Variants in UBE2E2 observed in about 807,000 individuals in gnomAD.
UBE2E2 encodes ubiquitin conjugating enzyme E2 E2.
Under a neutral mutation model 24.7 loss-of-function variants are expected in UBE2E2, and 6 were observed. The observed-to-expected ratio is 0.24, with a 90% confidence interval of 0.13 to 0.48. The LOEUF (loss-of-function observed/expected upper bound fraction) is 0.48, where lower values mean the gene tolerates loss of function less well. UBE2E2 is among the 20% of genes least tolerant of loss of function. The probability of loss-of-function intolerance (pLI) is 0.99; values close to 1 mark genes in which losing one functional copy is unlikely to be tolerated. For missense variants in UBE2E2, 169 were observed against 245.0 expected (o/e 0.69, Z 2.07); for synonymous variants, 104 against 83.6 (o/e 1.24, Z -1.33).
intron 3 of UBE2E2, among the ~76,000 whole-genome samples, chr3:23,428,633 A>C (rs1000047966): frequency 6.6e-6 from 1 of 152,102 alleles, no homozygotes; most frequent in Non-Finnish European, 1.5e-5. Flanking sequence ...AATAAAATCA[A>C]TAAGCCTCCA....
At position 23,332,674 on chromosome 3, in the gene UBE2E2, G is replaced by GGTGTGTGT. The variant is rs3086989; in HGVS notation, c.227+115400_227+115407dup. Among the ~76,000 whole-genome samples the GGTGTGTGT allele has an allele frequency of 2.0e-3, 217 of 108,122 alleles. 1 individual carries two copies. Among genetic ancestry groups the GGTGTGTGT allele is most frequent in the African/African-American group, 4.9e-3 (141 of 29,028 alleles). The allele number at this position is 108,122 out of a possible 152,430, so 70.9% of individuals were successfully genotyped here. A position where few individuals can be genotyped will look rare whatever the true frequency, so the allele number is the denominator to read the frequency against. Reference sequence around the variant, plus strand: ...CTTTGAGCTTCCTGGCAGCCAGTGGGGTGTGTGTGTGTGTGTGTGTGTGTG... The same window carrying GGTGTGTGT: ...CTTTGAGCTTCCTGGCAGCCAGTGGGGTGTGTGTGTGTGTGTGTGTGTGTGTGTGTGTG... On this transcript the variant is annotated intron_variant, in intron 3 of 5. Coordinates refer to ENST00000396703, the MANE Select transcript of UBE2E2 (RefSeq NM_152653.4).
intron 3 of UBE2E2, among the ~76,000 whole-genome samples, chr3:23,462,099 G>C (rs1451408674): frequency 6.6e-6 from 1 of 152,074 alleles, no homozygotes; most frequent in East Asian, 1.9e-4. Flanking sequence ...ATATCATTCA[G>C]TATGAAATAT....
chr3:23,223,730 C>T (rs896016727), intron 3 of UBE2E2, among the ~76,000 whole-genome samples: 6 of 152,004 alleles, frequency 3.9e-5, no homozygotes, highest in African/African-American at 1.4e-4. Flanking sequence ...CTTTTGAGAT[C>T]TTACACAAGA....
At chr3:23,268,042 G>C (rs1405362768) in intron 3 of UBE2E2, among the ~76,000 whole-genome samples, 1 of 151,580 alleles carries the variant, frequency 6.6e-6, no homozygotes, top group Non-Finnish European at 1.5e-5. Context: ...ATTAGGTATT[G>C]ATGGGACGTA....
chr3:23,300,450 C>T (rs1302497592), intron 3 of UBE2E2, among the ~76,000 whole-genome samples: 3 of 152,146 alleles, frequency 2.0e-5, no homozygotes, highest in African/African-American at 7.2e-5. Context: ...TTTAGTGCTT[C>T]CTTCAGGAGC....
chr3:23,214,794 T>A (rs1232335701), intron 2 of UBE2E2, among the ~76,000 whole-genome samples: 1 of 152,036 alleles, frequency 6.6e-6, no homozygotes, highest in African/African-American at 2.4e-5. Flanking sequence ...GATTTTTTTT[T>A]AATGGAAAGT....
At chr3:23,245,934 G>A (rs902831844) in intron 3 of UBE2E2, among the ~76,000 whole-genome samples, 8 of 152,282 alleles carry the variant, frequency 5.3e-5, no homozygotes, top group South Asian at 2.1e-4. Flanking sequence ...GGATAAGTAG[G>A]TGGATAAAAT....
intron 3 of UBE2E2, among the ~76,000 whole-genome samples, chr3:23,260,615 C>T (rs185917137): frequency 1.8e-4 from 28 of 152,106 alleles, no homozygotes; most frequent in Admixed American, 1.7e-3. Flanking sequence ...GAGTTCAAGA[C>T]CAGCCTGGGC....
At chr3:23,316,760 A>G (rs1157789115) in intron 3 of UBE2E2, among the ~76,000 whole-genome samples, 1 of 152,054 alleles carries the variant, frequency 6.6e-6, no homozygotes. Context: ...CACGGCATGT[A>G]CTACCTTGGC....
At chr3:23,360,551 A>T (rs1184844846) in intron 3 of UBE2E2, among the ~76,000 whole-genome samples, 1 of 152,224 alleles carries the variant, frequency 6.6e-6, no homozygotes, top group Non-Finnish European at 1.5e-5. Flanking sequence ...AGAAGAGATA[A>T]TAATGAAATC....
At chr3:23,228,515 A>G (rs568376447) in intron 3 of UBE2E2, among the ~76,000 whole-genome samples, 1 of 152,194 alleles carries the variant, frequency 6.6e-6, no homozygotes, top group Non-Finnish European at 1.5e-5. Context: ...TCTTTCATGT[A>G]TCCAAATTTC....
Position 23,208,803 on chromosome 3 carries a change from A to G in UBE2E2, c.104A>G (p.Gln35Arg), listed in dbSNP as rs929515507. ...GTTCAGCAAGAACCAGAAAGAGAAC[A>G]AGTTCAGCCCAAGAAAAAGGAGGGA... The part of the protein sequence containing the change: ...ESVQQEPERE[Q>R]VQPKKKEGKI... The change falls in exon 2 of 6, where the codon CAA becomes CGA. Residue 35 changes from glutamine (Q) to arginine (R), a missense_variant. By Grantham distance (43) the Gln-to-Arg change is conservative. Coordinates refer to ENST00000396703, the MANE Select transcript of UBE2E2 (RefSeq NM_152653.4). The G allele has an allele frequency of 1.9e-6, 3 of 1,613,778 alleles. No individual in the cohort carries two copies. The South Asian group carries it at 3.3e-5, about 18-fold the overall frequency.
At chr3:23,469,558 C>T (rs183291098) in intron 3 of UBE2E2, among the ~76,000 whole-genome samples, 57 of 152,240 alleles carry the variant, frequency 3.7e-4, no homozygotes, top group African/African-American at 1.3e-3. Context: ...CAGTAAGAAC[C>T]TCCCTATATT....
rs909710082 is a variant in UBE2E2, at chr3:23,359,875, A to G, written c.228-139733A>G. ...AGCTTTCTAATTGAATGAAATATGA[A>G]CTAGCTTTCTAAACTCTGACTGTAG... is the stretch of plus-strand genomic sequence containing the variant. On this transcript the variant is annotated intron_variant, in intron 3 of 5. Coordinates refer to ENST00000396703, the MANE Select transcript of UBE2E2 (RefSeq NM_152653.4). Among the ~76,000 whole-genome samples, 6 of 152,270 alleles carry G rather than the reference A, an allele frequency of 3.9e-5. 1 individual carries two copies. The highest frequency in any genetic ancestry group is 2.6e-4 in the Admixed American group (4 of 15,292).
intron 3 of UBE2E2, among the ~76,000 whole-genome samples, chr3:23,314,881 A>T (rs1694528511): frequency 6.6e-6 from 1 of 152,014 alleles, no homozygotes; most frequent in South Asian, 2.1e-4. Context: ...AGTATCCTTT[A>T]TTCTTGAACT....
chr3:23,246,260 G>A (rs972492717), intron 3 of UBE2E2, among the ~76,000 whole-genome samples: 12 of 135,832 alleles, frequency 8.8e-5, no homozygotes, highest in African/African-American at 3.2e-4. Flanking sequence ...TCGCTCTGTC[G>A]CCCAGGCTGG....
At chr3:23,379,237 TTTTTA>T (rs1256033442) in intron 3 of UBE2E2, among the ~76,000 whole-genome samples, 1 of 118,074 alleles carries the variant, frequency 8.5e-6, no homozygotes, top group Non-Finnish European at 1.8e-5. Flanking sequence ...TTTATTTATT[TTTTTA>T]TTTTATTTTT....
intron 3 of UBE2E2, among the ~76,000 whole-genome samples, chr3:23,230,179 G>A (rs1029879094): frequency 3.9e-4 from 59 of 152,054 alleles, no homozygotes; most frequent in African/African-American, 1.3e-3. Context: ...CTATTAATTG[G>A]TTAGATATTT....
chr3:23,346,012 G>A (rs13087861), intron 3 of UBE2E2, among the ~76,000 whole-genome samples: 82,524 of 151,842 alleles, frequency 0.54, 22,630 homozygotes, highest in Admixed American at 0.65. Context: ...ATGGTGCTAT[G>A]ATATAATCAG....
Sources: gnomAD v4.1 joint callset for allele counts (sites outside exome capture counted in the v4.1 genomes callset) on GRCh38, gnomAD v4.1.1 for gene constraint, MANE v1.5 for transcripts, NCBI Gene and HGNC (gene_info 2026-07-23, HGNC 2026-07-21) for gene names.